The following TNIK variants were observed in gnomAD, a reference collection of about 807,000 sequenced individuals.
TNIK encodes TRAF2 and NCK interacting kinase.
TNIK carries 49 observed loss-of-function variants against 191.3 expected under a neutral mutation model. The observed-to-expected ratio is 0.26, with a 90% CI of 0.20 to 0.32. TNIK has a LOEUF of 0.32. Among genes scored for constraint, TNIK ranks in the 10% least tolerant of loss-of-function variants. The probability of loss-of-function intolerance (pLI) is 1.00; values close to 1 mark genes in which losing one functional copy is unlikely to be tolerated. For missense variants in TNIK, 1,155 were observed against 1,702.3 expected, an observed-to-expected ratio of 0.68 and a Z score of 5.66; for synonymous variants, 594 against 600.9, an observed-to-expected ratio of 0.99 and a Z score of 0.17.
At chr3:171,403,486 C>T (rs942138250) in intron 1 of TNIK, among the ~76,000 whole-genome samples, 2 of 151,942 alleles carry the variant, frequency 1.3e-5, no homozygotes, top group Non-Finnish European at 1.5e-5. Context: ...TGGTGGCACA[C>T]GCCTGTAATC....
chr3:171,408,997 C>T (rs1185084780), intron 1 of TNIK, among the ~76,000 whole-genome samples: 1 of 152,046 alleles, frequency 6.6e-6, no homozygotes, highest in Non-Finnish European at 1.5e-5. Flanking sequence ...AACTATAAAG[C>T]ATAGTTCAGC....
At position 171,063,709 on chromosome 3, in the gene TNIK, G is replaced by A; in HGVS notation, c.*172C>T. The A allele has an allele frequency of 1.8e-6, 1 of 552,934 alleles. No homozygotes were observed. Among genetic ancestry groups the A allele is most frequent in the Middle Eastern group, 4.2e-4 (1 of 2,368 alleles). 34.3% of individuals were successfully genotyped at this position (552,934 alleles called of 1,614,324 possible). A position where few individuals can be genotyped will look rare whatever the true frequency, so the allele number is the denominator to read the frequency against. On this transcript the variant is annotated 3_prime_UTR_variant, in exon 33 of 33. Coordinates refer to ENST00000436636, the MANE Select transcript of TNIK (RefSeq NM_015028.4). ...TTTTTCTCTCCTTCTCAACCAGGCT[G>A]CAACATTGAAAGATGGACTGTACTG...
At chr3:171,384,242 T>G (rs1448949942) in intron 1 of TNIK, among the ~76,000 whole-genome samples, 1 of 152,236 alleles carries the variant, frequency 6.6e-6, no homozygotes, top group Admixed American at 6.5e-5. Flanking sequence ...TCTGTCTTAC[T>G]GCACTTGGAA....
At chr3:171,067,756 C>T (rs1560065460) in intron 30 of TNIK, among the ~76,000 whole-genome samples, 1 of 151,910 alleles carries the variant, frequency 6.6e-6, no homozygotes, top group African/African-American at 2.4e-5. Context: ...GTTGTGATCC[C>T]CTAGTTGAGA....
chr3:171,117,710 C>A (rs1276210086), intron 18 of TNIK, among the ~76,000 whole-genome samples: 1 of 152,130 alleles, frequency 6.6e-6, no homozygotes, highest in Non-Finnish European at 1.5e-5. Flanking sequence ...GTGGCTCACA[C>A]CTGTAATCCC....
intron 2 of TNIK, among the ~76,000 whole-genome samples, chr3:171,328,300 C>A (rs1201064835): frequency 6.6e-6 from 1 of 152,158 alleles, no homozygotes; most frequent in Non-Finnish European, 1.5e-5. Flanking sequence ...CTTGGACTCA[C>A]CAGGCTCCAG....
At chr3:171,136,670 C>T (rs1181144130) in intron 15 of TNIK, among the ~76,000 whole-genome samples, 1 of 152,138 alleles carries the variant, frequency 6.6e-6, no homozygotes, top group Non-Finnish European at 1.5e-5. Flanking sequence ...TGAACACCTG[C>T]CATGGTCAGG....
At position 171,145,779 on chromosome 3, in the gene TNIK, C is replaced by CTTT. The variant is rs397875512; in HGVS notation, c.1222-5273_1222-5271dup. On this transcript the variant is annotated intron_variant, in intron 12 of 32. Transcript: ENST00000436636. ...ACAAGGGCTGTGGAGTCAGTCTTTC[C>CTTT]TTTTTTTTTTTTTTTTTGTTTAAAT... Among the ~76,000 whole-genome samples the CTTT allele has an allele frequency of 7.2e-4, 96 of 133,392 alleles. 1 individual carries two copies. Among genetic ancestry groups the CTTT allele is most frequent in the South Asian group, 1.7e-3 (7 of 4,128 alleles). The allele number at this position is 133,392 out of a possible 152,430, so 87.5% of individuals were successfully genotyped here.
At chr3:171,067,437 G>A (rs1048649351) in intron 30 of TNIK, among the ~76,000 whole-genome samples, 4 of 152,088 alleles carry the variant, frequency 2.6e-5, no homozygotes, top group East Asian at 1.9e-4. Context: ...TTGGGAGGCC[G>A]AGGCGGGCGG....
At chr3:171,168,159 A>G (rs1414522794) in intron 9 of TNIK, among the ~76,000 whole-genome samples, 2 of 152,214 alleles carry the variant, frequency 1.3e-5, no homozygotes, top group African/African-American at 4.8e-5. Context: ...GCCGTGATTC[A>G]TGAGTTAAGC....
At chr3:171,259,591 C>CA (rs567080035) in intron 2 of TNIK, among the ~76,000 whole-genome samples, 4 of 152,110 alleles carry the variant, frequency 2.6e-5, no homozygotes, top group Non-Finnish European at 5.9e-5. Flanking sequence ...AGAAATAACC[C>CA]AATAGATTAC....
At chr3:171,093,485 A>G (rs1286740396) in intron 23 of TNIK, among the ~76,000 whole-genome samples, 1 of 152,238 alleles carries the variant, frequency 6.6e-6, no homozygotes, top group Non-Finnish European at 1.5e-5. Flanking sequence ...AAGAGACATA[A>G]CAAGGCCAGT....
At chr3:171,364,315 A>T (rs1385455627) in intron 2 of TNIK, among the ~76,000 whole-genome samples, 4 of 152,134 alleles carry the variant, frequency 2.6e-5, no homozygotes, top group Non-Finnish European at 2.9e-5. Context: ...TTGCTTCTGC[A>T]GACTACTGGT....
chr3:171,358,647 G>T (rs1714516914), intron 2 of TNIK, among the ~76,000 whole-genome samples: 1 of 152,190 alleles, frequency 6.6e-6, no homozygotes, highest in African/African-American at 2.4e-5. Flanking sequence ...TACCTGAGAA[G>T]GATCGTTTTA....
At chr3:171,067,964 C>A (rs1718684887) in intron 30 of TNIK, among the ~76,000 whole-genome samples, 1 of 152,128 alleles carries the variant, frequency 6.6e-6, no homozygotes, top group Admixed American at 6.5e-5. Flanking sequence ...GAAACAACTT[C>A]TTTTAGTTAT....
At chr3:171,078,764 T>C (rs1049699531) in intron 28 of TNIK, among the ~76,000 whole-genome samples, 1 of 152,222 alleles carries the variant, frequency 6.6e-6, no homozygotes, top group African/African-American at 2.4e-5. Flanking sequence ...ATCTTTTCTT[T>C]CTGGCCATTT....
chr3:171,110,662 A>G lies in TNIK; in HGVS notation c.2284+52T>C, dbSNP rs1431480109. 2.0e-6 allele frequency: 3 copies of G among 1,517,902 alleles called. No individual in the cohort carries two copies. In the African/African-American group the frequency reaches 4.1e-5, roughly 21 times the overall value. The allele number at this position is 1,517,902 out of a possible 1,614,324, so 94.0% of individuals were successfully genotyped here. A position where few individuals can be genotyped will look rare whatever the true frequency, so the allele number is the denominator to read the frequency against. On this transcript the variant is annotated intron_variant, in intron 19 of 32. Transcript: ENST00000436636. ...AAGTAACTAACCTTTTTCCCTGTCC[A>G]CAGCTTTCCTCCCAGGCAGTATTGC... is the stretch of plus-strand genomic sequence containing the variant.
intron 4 of TNIK, among the ~76,000 whole-genome samples, chr3:171,208,701 GC>G (rs1365188783): frequency 6.6e-6 from 1 of 152,028 alleles, no homozygotes; most frequent in Non-Finnish European, 1.5e-5. Context: ...GGAATTACAG[GC>G]AGCCACCACC....
intron 12 of TNIK, among the ~76,000 whole-genome samples, chr3:171,148,598 A>G (rs2108669596): frequency 6.6e-6 from 1 of 152,326 alleles, no homozygotes; most frequent in East Asian, 1.9e-4. Context: ...CAAGCCAGTT[A>G]TAAACCAGTT....
Sources: gnomAD v4.1 joint callset for allele counts (sites outside exome capture counted in the v4.1 genomes callset) on GRCh38, gnomAD v4.1.1 for gene constraint, MANE v1.5 for transcripts, NCBI Gene and HGNC (gene_info 2026-07-23, HGNC 2026-07-21) for gene names.